Variants in MLLT3 observed in about 807,000 individuals in gnomAD.
MLLT3 encodes MLLT3 super elongation complex subunit.
A neutral mutation model predicts 53.2 loss-of-function variants in MLLT3; 4 were observed. The ratio of observed to expected loss-of-function variants is 0.08; its 90% CI spans 0.04 to 0.17. MLLT3 has a LOEUF of 0.17. Ranked by LOEUF, MLLT3 falls within the 10% of genes least tolerant of loss-of-function variation. The probability of loss-of-function intolerance (pLI) is 1.00; values close to 1 mark genes in which losing one functional copy is unlikely to be tolerated. For synonymous variants in MLLT3, 283 were observed against 230.6 expected (o/e 1.23, Z -2.06); for missense variants, 569 against 684.0 (o/e 0.83, Z 1.87).
intron 4 of MLLT3, among the ~76,000 whole-genome samples, chr9:20,424,188 C>A (rs543688966): frequency 2.0e-5 from 3 of 152,080 alleles, no homozygotes; most frequent in Non-Finnish European, 4.4e-5. Context: ...TACTGAGAGG[C>A]AACTGTAATT....
At chr9:20,438,724 AT>A (rs1250043802) in intron 4 of MLLT3, among the ~76,000 whole-genome samples, 3 of 152,146 alleles carry the variant, frequency 2.0e-5, no homozygotes, top group South Asian at 4.2e-4. Context: ...CATGACATTT[AT>A]TTTTAATTTG....
chr9:20,482,738 T>C (rs1824695552), intron 2 of MLLT3, among the ~76,000 whole-genome samples: 1 of 152,112 alleles, frequency 6.6e-6, no homozygotes, highest in African/African-American at 2.4e-5. Flanking sequence ...AGCGGATTGT[T>C]TTCATTTCTT....
Position 20,616,129 on chromosome 9 carries a change from A to T in MLLT3, c.193+4525T>A, listed in dbSNP as rs149328736. 2.6e-3 allele frequency among the ~76,000 whole-genome samples: 403 copies of T among 152,296 alleles called. 1 individual carries two copies. Among genetic ancestry groups the T allele is most frequent in the African/African-American group, 8.9e-3 (371 of 41,588 alleles). ...TAAAAGGATCTTAAGCCCAATAAGT[A>T]TGAAAACAGTTGATTTACATTTCAA... On this transcript the variant is annotated intron_variant, in intron 2 of 10. Transcript: ENST00000380338.
chr9:20,406,653 A>G (rs2118758357), intron 5 of MLLT3, among the ~76,000 whole-genome samples: 1 of 152,344 alleles, frequency 6.6e-6, no homozygotes, highest in South Asian at 2.1e-4. Flanking sequence ...TTAAAGTAAT[A>G]CCTGAGGGAC....
At chr9:20,446,470 C>G (rs1257747788) in intron 4 of MLLT3, among the ~76,000 whole-genome samples, 1 of 152,168 alleles carries the variant, frequency 6.6e-6, no homozygotes, top group Non-Finnish European at 1.5e-5. Flanking sequence ...TCACAGGCAA[C>G]CCTCGACTTC....
chr9:20,450,377 A>G (rs532537119), intron 3 of MLLT3, among the ~76,000 whole-genome samples: 136 of 152,336 alleles, frequency 8.9e-4, no homozygotes, highest in African/African-American at 2.9e-3. Context: ...CACAAAAATC[A>G]GATTACAGCT....
chr9:20,380,209 G>C (rs1821872716), intron 5 of MLLT3: 1 of 151,760 alleles, frequency 6.6e-6, no homozygotes, highest in Non-Finnish European at 1.5e-5. Context: ...TAGCTCACAG[G>C]ATGTCCTTCA....
At position 20,508,526 on chromosome 9, in the gene MLLT3, T is replaced by C. The variant is rs190419476; in HGVS notation, c.194-51740A>G. Among the ~76,000 whole-genome samples, 90 of 152,160 alleles carry C rather than the reference T, an allele frequency of 5.9e-4. 1 individual carries two copies. The highest frequency in any genetic ancestry group is 1.9e-3 in the African/African-American group (80 of 41,522). On this transcript the variant is annotated intron_variant, in intron 2 of 10. Transcript: ENST00000380338. ...ACTGTAGGGAGGAACTGAAAGTAAA[T>C]CTTAGAGGTAAAGAATGAAGAAGAC...
At chr9:20,480,404 G>A (rs934429667) in intron 2 of MLLT3, among the ~76,000 whole-genome samples, 2 of 152,102 alleles carry the variant, frequency 1.3e-5, no homozygotes, top group Non-Finnish European at 2.9e-5. Flanking sequence ...TTCCAGTTCT[G>A]GAAGTTTCTC....
rs138594951 is a variant in MLLT3, at chr9:20,575,055, T to C, written c.193+45599A>G. 4.8e-4 allele frequency among the ~76,000 whole-genome samples: 73 copies of C among 152,330 alleles called. 1 individual carries two copies. The East Asian group carries it at 0.012, about 25-fold the overall frequency. On this transcript the variant is annotated intron_variant, in intron 2 of 10. Coordinates refer to ENST00000380338, the MANE Select transcript of MLLT3 (RefSeq NM_004529.4). Reference sequence around the variant, plus strand: ...CATCTGTTCAAATTTTATCATGAGATTGCAGCAATTCAGTCACATATTCAG... The same window carrying C: ...CATCTGTTCAAATTTTATCATGAGACTGCAGCAATTCAGTCACATATTCAG...
At position 20,377,565 on chromosome 9, in the gene MLLT3, T is replaced by C. The variant is rs7035142; in HGVS notation, c.1126-11821A>G. Among the ~76,000 whole-genome samples, 37 of 152,296 alleles carry C rather than the reference T, an allele frequency of 2.4e-4. No homozygotes were observed. In the East Asian group the frequency reaches 2.9e-3, roughly 12 times the overall value. On this transcript the variant is annotated intron_variant, in intron 5 of 10. Coordinates refer to ENST00000380338, the MANE Select transcript of MLLT3 (RefSeq NM_004529.4). ...TATTTTGACAAGACATTTAACTACA[T>C]TTCCTTATTAACTTTAACCTTTTAA...
At chr9:20,585,666 G>C (rs745404423) in intron 2 of MLLT3, among the ~76,000 whole-genome samples, 6 of 152,140 alleles carry the variant, frequency 3.9e-5, no homozygotes, top group Non-Finnish European at 5.9e-5. Flanking sequence ...ACGTGATATT[G>C]AGCATCTTTT....
chr9:20,575,405 A>G (rs114523335), intron 2 of MLLT3, among the ~76,000 whole-genome samples: 1,697 of 152,224 alleles, frequency 0.011, 34 homozygotes, highest in African/African-American at 0.037. Flanking sequence ...ATCATTAGCA[A>G]TTTTTTTAGC....
chr9:20,372,790 G>A (rs149282732), intron 5 of MLLT3, among the ~76,000 whole-genome samples: 322 of 152,042 alleles, frequency 2.1e-3, no homozygotes, highest in Non-Finnish European at 3.6e-3. Flanking sequence ...GCATCTGGGC[G>A]AGAACTTCTA....
At chr9:20,412,998 A>ATGC (rs1415992417) in intron 5 of MLLT3, among the ~76,000 whole-genome samples, 1 of 152,164 alleles carries the variant, frequency 6.6e-6, no homozygotes, top group African/African-American at 2.4e-5. Flanking sequence ...AGATGGTCAG[A>ATGC]TGCTCTCTTA....
Position 20,533,169 on chromosome 9 carries a change from A to G in MLLT3, c.194-76383T>C. 1.0e-5 allele frequency: 3 copies of G among 289,806 alleles called. 1 individual carries two copies. In the South Asian group the frequency reaches 1.1e-4, roughly 11 times the overall value. 18.0% of individuals were successfully genotyped at this position (289,806 alleles called of 1,614,324 possible). On this transcript the variant is annotated intron_variant, in intron 2 of 10. Transcript: ENST00000380338. The stretch of plus-strand genomic sequence containing the variant: ...AGACCTGCACCACCGTCACCTTTAC[A>G]CAGGTTAACTTGGAAGGCAAAGGAG...
intron 2 of MLLT3, among the ~76,000 whole-genome samples, chr9:20,564,227 T>C (rs191426330): frequency 1.2e-4 from 18 of 152,218 alleles, no homozygotes; most frequent in Non-Finnish European, 4.4e-5. Flanking sequence ...TGTAAAACAC[T>C]ACTAACTTCA....
intron 5 of MLLT3, among the ~76,000 whole-genome samples, chr9:20,413,484 T>C (rs1340265328): frequency 1.3e-5 from 2 of 152,244 alleles, no homozygotes; most frequent in African/African-American, 4.8e-5. Flanking sequence ...ATTATAATGC[T>C]ATGGAAATAT....
intron 2 of MLLT3, among the ~76,000 whole-genome samples, chr9:20,617,123 C>T (rs946277029): frequency 5.3e-5 from 8 of 152,272 alleles, no homozygotes; most frequent in Admixed American, 4.6e-4. Context: ...AAATAACACT[C>T]GCTGAATCTA....
Sources: allele counts gnomAD v4.1 joint callset (sites outside exome capture counted in the v4.1 genomes callset), GRCh38; gene constraint gnomAD v4.1.1; transcripts MANE v1.5; gene names NCBI Gene and HGNC (gene_info 2026-07-23, HGNC 2026-07-21).